The following SORCS3 variants were observed in gnomAD, a reference collection of about 807,000 sequenced individuals.
SORCS3 encodes the protein sortilin related VPS10 domain containing receptor 3.
A neutral mutation model predicts 146.3 loss-of-function variants in SORCS3; 57 were observed. The ratio of observed to expected loss-of-function variants is 0.39; its 90% confidence interval spans 0.31 to 0.49. The LOEUF is 0.49. Among genes scored for constraint, SORCS3 ranks in the 20% least tolerant of loss-of-function variants. The pLI, the probability that SORCS3 is intolerant of heterozygous loss-of-function variation, is 0.92. For missense variants in SORCS3, 1,341 were observed against 1,575.5 expected (o/e 0.85, Z 2.52); for synonymous variants, 653 against 618.5 (o/e 1.06, Z -0.83).
At chr10:104,918,055 A>G (rs1444362994) in intron 3 of SORCS3, among the ~76,000 whole-genome samples, 1 of 152,192 alleles carries the variant, frequency 6.6e-6, no homozygotes, top group Non-Finnish European at 1.5e-5. Context: ...GGAACTCCAT[A>G]CTGTTTTCTA....
At chr10:105,144,962 T>C (rs2056120994) in intron 8 of SORCS3, among the ~76,000 whole-genome samples, 1 of 152,130 alleles carries the variant, frequency 6.6e-6, no homozygotes, top group African/African-American at 2.4e-5. Flanking sequence ...TCAGAGTGTT[T>C]CAAAAAGTGA....
Position 105,216,938 on chromosome 10 carries a change from T to C in SORCS3, c.2550T>C (p.Gly850=). 1 of 1,614,094 alleles carries C rather than the reference T, an allele frequency of 6.2e-7. No homozygotes were observed. The highest frequency in any genetic ancestry group is 1.3e-5 in the African/African-American group (1 of 75,042). Residue 850 remains glycine (G), a splice_region_variant and synonymous_variant, in exon 19 of 27, where the codon GGT becomes GGC. Coordinates refer to ENST00000369701, the MANE Select transcript of SORCS3 (RefSeq NM_014978.3). ...NATFIILMEE[G]DLQRTNIQLD... is the part of the protein sequence containing the mutation. The stretch of plus-strand genomic sequence containing the variant: ...CCGTCTGCTATGCCATCTTGCAGGG[T>C]GATCTACAAAGGACAAACATCCAGC...
chr10:105,122,731 G>A (rs1228879774), intron 7 of SORCS3, among the ~76,000 whole-genome samples: 1 of 150,958 alleles, frequency 6.6e-6, no homozygotes, highest in Non-Finnish European at 1.5e-5. Flanking sequence ...GACTCTCCAG[G>A]ACAGTGCTTC....
At chr10:104,851,518 A>G (rs934478252) in intron 2 of SORCS3, among the ~76,000 whole-genome samples, 1 of 152,198 alleles carries the variant, frequency 6.6e-6, no homozygotes, top group African/African-American at 2.4e-5. Context: ...TTGATAAGTG[A>G]ATAGGATCAG....
chr10:104,792,229 A>G (rs1033494210), intron 1 of SORCS3, among the ~76,000 whole-genome samples: 2 of 152,286 alleles, frequency 1.3e-5, no homozygotes, highest in African/African-American at 4.8e-5. Flanking sequence ...AAAGACAGTT[A>G]TCTGACAAAC....
At chr10:104,754,531 AC>A (rs1465965057) in intron 1 of SORCS3, among the ~76,000 whole-genome samples, 1 of 151,838 alleles carries the variant, frequency 6.6e-6, no homozygotes, top group Non-Finnish European at 1.5e-5. Flanking sequence ...GAAAAACTTT[AC>A]CCCCCTGGCG....
At chr10:104,803,480 A>G (rs2017647325) in intron 1 of SORCS3, among the ~76,000 whole-genome samples, 1 of 152,192 alleles carries the variant, frequency 6.6e-6, no homozygotes, top group Admixed American at 6.5e-5. Flanking sequence ...CCTCTCCTCA[A>G]CCAGCTCACC....
chr10:105,121,966 C>G (rs996754308), intron 7 of SORCS3, among the ~76,000 whole-genome samples: 5 of 152,156 alleles, frequency 3.3e-5, no homozygotes, highest in Non-Finnish European at 7.3e-5. Context: ...CATTCCAGGA[C>G]TCAGAGGAGC....
At chr10:104,937,045 G>T (rs1431513467) in intron 3 of SORCS3, among the ~76,000 whole-genome samples, 1 of 152,106 alleles carries the variant, frequency 6.6e-6, no homozygotes, top group Non-Finnish European at 1.5e-5. Context: ...GGGCACAGGG[G>T]GTGATTTCAG....
intron 2 of SORCS3, among the ~76,000 whole-genome samples, chr10:104,890,346 AG>A (rs768326291): frequency 1.3e-5 from 2 of 150,768 alleles, no homozygotes; most frequent in Non-Finnish European, 3.0e-5. Context: ...TTTTTTCCTC[AG>A]TTTTTTTTTG....
At chr10:104,904,832 T>C (rs1248947908) in intron 2 of SORCS3, among the ~76,000 whole-genome samples, 1 of 147,720 alleles carries the variant, frequency 6.8e-6, no homozygotes, top group Non-Finnish European at 1.5e-5. Flanking sequence ...AAATTTTCAG[T>C]ATTTTTTTTT....
intron 1 of SORCS3, among the ~76,000 whole-genome samples, chr10:104,782,602 G>A (rs556306419): frequency 3.8e-4 from 58 of 152,320 alleles, no homozygotes; most frequent in African/African-American, 1.2e-3. Context: ...TATTCCAAGG[G>A]AACTCATTCT....
chr10:105,015,707 G>A (rs76084976), intron 4 of SORCS3, among the ~76,000 whole-genome samples: 5,516 of 152,148 alleles, frequency 0.036, 164 homozygotes, highest in East Asian at 0.15. Context: ...AGCTTCAATG[G>A]AAGAAGTAAG....
chr10:105,150,819 T>C (rs1451731551), intron 9 of SORCS3, among the ~76,000 whole-genome samples: 1 of 152,166 alleles, frequency 6.6e-6, no homozygotes, highest in Non-Finnish European at 1.5e-5. Flanking sequence ...CTCAATTTAA[T>C]TGGTCTCTAG....
intron 1 of SORCS3, among the ~76,000 whole-genome samples, chr10:104,697,748 C>T (rs926066947): frequency 3.3e-5 from 5 of 152,032 alleles, no homozygotes; most frequent in African/African-American, 7.2e-5. Context: ...AACAGTTGGC[C>T]GGTGCTGAGC....
intron 13 of SORCS3, among the ~76,000 whole-genome samples, chr10:105,168,095 G>A (rs2119529987): frequency 6.6e-6 from 1 of 152,008 alleles, no homozygotes; most frequent in East Asian, 1.9e-4. Context: ...CTAGGATTAA[G>A]CAATAAAGGA....
chr10:105,189,431 C>T (rs2056499474), intron 14 of SORCS3, among the ~76,000 whole-genome samples: 2 of 152,160 alleles, frequency 1.3e-5, no homozygotes, highest in South Asian at 4.1e-4. Flanking sequence ...TGGTAGTGCA[C>T]ATCTGTAGTT....
At chr10:105,027,014 C>G (rs1301350421) in intron 4 of SORCS3, among the ~76,000 whole-genome samples, 1 of 152,158 alleles carries the variant, frequency 6.6e-6, no homozygotes, top group Non-Finnish European at 1.5e-5. Flanking sequence ...CGCCAAGACC[C>G]TGTCCAGGTA....
intron 3 of SORCS3, among the ~76,000 whole-genome samples, chr10:104,951,356 A>C (rs575344996): frequency 1.2e-3 from 175 of 152,150 alleles, no homozygotes; most frequent in African/African-American, 4.1e-3. Flanking sequence ...TCTTAGGGTC[A>C]GTGTCTTGCT....
Sources: gnomAD v4.1 joint callset for allele counts (sites outside exome capture counted in the v4.1 genomes callset) on GRCh38, gnomAD v4.1.1 for gene constraint, MANE v1.5 for transcripts, NCBI Gene and HGNC (gene_info 2026-07-23, HGNC 2026-07-21) for gene names.